Variants in ATP13A4 observed in about 807,000 individuals in gnomAD.
ATP13A4 encodes the protein ATPase 13A4.
A neutral mutation model predicts 142.5 loss-of-function variants in ATP13A4; 114 were observed. The observed-to-expected ratio is 0.80, with a 90% CI of 0.69 to 0.93. ATP13A4 has a LOEUF of 0.93. ATP13A4 is among the 40% of genes least tolerant of loss of function. The pLI, the probability that ATP13A4 is intolerant of heterozygous loss-of-function variation, is 0.00. For synonymous variants in ATP13A4, 488 were observed against 514.8 expected (o/e 0.95, Z 0.70); for missense variants, 1,392 against 1,454.0 (o/e 0.96, Z 0.69).
Position 193,502,484 on chromosome 3 carries a change from TTTA to T in ATP13A4, c.381+6_381+8del. 6.2e-7 allele frequency: 1 copy of T among 1,613,304 alleles called. No homozygotes were observed. The highest frequency in any genetic ancestry group is 8.5e-7 in the Non-Finnish European group (1 of 1,179,348). Reference sequence around the variant, plus strand: ...CTCTGACATCAGCAGTAGCCATAAGTTTACTTACCTTTAGGTCTGGCTTTCTTA... The same window carrying T: ...CTCTGACATCAGCAGTAGCCATAAGTCTTACCTTTAGGTCTGGCTTTCTTA... On this transcript the variant is annotated splice_donor_region_variant and intron_variant, in intron 3 of 29. Coordinates refer to ENST00000342695, the MANE Select transcript of ATP13A4 (RefSeq NM_032279.4).
chr3:193,450,639 C>A (rs1477824189), intron 17 of ATP13A4, among the ~76,000 whole-genome samples: 1 of 152,088 alleles, frequency 6.6e-6, no homozygotes, highest in South Asian at 2.1e-4. Context: ...TGATTGAGGG[C>A]TTATAGGGTA....
chr3:193,432,829 G>A (rs1716054271), intron 25 of ATP13A4, among the ~76,000 whole-genome samples: 1 of 152,088 alleles, frequency 6.6e-6, no homozygotes, highest in Non-Finnish European at 1.5e-5. Context: ...TGGGGAAGAT[G>A]ACTAGGCAGA....
chr3:193,527,602 G>T (rs565528583), intron 1 of ATP13A4, among the ~76,000 whole-genome samples: 1 of 149,310 alleles, frequency 6.7e-6, no homozygotes, highest in Non-Finnish European at 1.5e-5. Flanking sequence ...ACAGAGTGAG[G>T]CTCCATCTAA....
At chr3:193,534,115 C>T (rs1159483179) in intron 1 of ATP13A4, among the ~76,000 whole-genome samples, 1 of 152,120 alleles carries the variant, frequency 6.6e-6, no homozygotes, top group African/African-American at 2.4e-5. Context: ...GAACTCCTAC[C>T]TTTATCCACC....
chr3:193,505,244 C>T (rs1720794111), intron 2 of ATP13A4, among the ~76,000 whole-genome samples: 2 of 152,152 alleles, frequency 1.3e-5, no homozygotes, highest in African/African-American at 4.8e-5. Context: ...GCTCTCCTGA[C>T]AGCATAGAAT....
intron 12 of ATP13A4, among the ~76,000 whole-genome samples, chr3:193,464,560 A>G (rs749235761): frequency 6.6e-6 from 1 of 152,212 alleles, no homozygotes; most frequent in Non-Finnish European, 1.5e-5. Flanking sequence ...ATCGATATTT[A>G]TTGCACACTA....
At chr3:193,430,884 T>A (rs965262247) in intron 25 of ATP13A4, among the ~76,000 whole-genome samples, 1 of 151,980 alleles carries the variant, frequency 6.6e-6, no homozygotes, top group East Asian at 1.9e-4. Context: ...ACTCTTACTA[T>A]TGTGTAAATG....
At chr3:193,504,275 T>G (rs1316434910) in intron 2 of ATP13A4, among the ~76,000 whole-genome samples, 1 of 152,116 alleles carries the variant, frequency 6.6e-6, no homozygotes, top group Non-Finnish European at 1.5e-5. Flanking sequence ...ACCGATCTGA[T>G]GATAGACATG....
rs768492745 is a variant in ATP13A4 at position 193,592,664 on chromosome 3, T to G, written n.91+357A>C. 2.0e-5 allele frequency among the ~76,000 whole-genome samples: 3 copies of G among 152,198 alleles called. No homozygotes were observed. In the South Asian group the frequency reaches 6.2e-4, roughly 31 times the overall value. On this transcript the variant is annotated intron_variant and non_coding_transcript_variant, in intron 1 of 3. Coordinates refer to the ATP13A4 transcript ENST00000489140. ...ACCACACAAGCTTATTCCAAACCCG[T>G]TACTGGCCTAACTGATTTAAGTCCC...
chr3:193,434,805 T>TA (rs200049953), intron 24 of ATP13A4, among the ~76,000 whole-genome samples: 8,003 of 151,866 alleles, frequency 0.053, 397 homozygotes, highest in East Asian at 0.18. Flanking sequence ...TCTTGGTAAA[T>TA]AAAAAAAAGT....
At chr3:193,470,724 C>T (rs545728529) in intron 9 of ATP13A4, 135 bp downstream of exon 9, 78 of 1,265,004 alleles carry the variant, frequency 6.2e-5, no homozygotes, top group Non-Finnish European at 8.0e-5. Context: ...TTTGTGGCAA[C>T]GGGAAGGTCC....
chr3:193,402,473 G>A lies in ATP13A4; in HGVS notation c.*179C>T, dbSNP rs901379661. 5.0e-6 allele frequency: 3 copies of A among 594,964 alleles called. No individual in the cohort carries two copies. Among genetic ancestry groups the A allele is most frequent in the African/African-American group, 3.7e-5 (2 of 53,768 alleles). The allele number at this position is 594,964 out of a possible 1,614,324, so 36.9% of individuals were successfully genotyped here. On this transcript the variant is annotated 3_prime_UTR_variant, in exon 30 of 30. Coordinates refer to ENST00000342695, the MANE Select transcript of ATP13A4 (RefSeq NM_032279.4). Reference sequence around the variant, plus strand: ...AGCCAAGAGGAAAGCACTCTTCTGGGTCAATGTTCTTCTCTGTAGACAGTA... The same window carrying A: ...AGCCAAGAGGAAAGCACTCTTCTGGATCAATGTTCTTCTCTGTAGACAGTA...
chr3:193,515,093 G>A (rs547672072), intron 1 of ATP13A4, among the ~76,000 whole-genome samples: 2 of 152,266 alleles, frequency 1.3e-5, no homozygotes, highest in East Asian at 3.9e-4. Flanking sequence ...TAGGAAATCA[G>A]TTTCTATCAT....
chr3:193,528,450 G>C (rs1490170377), intron 1 of ATP13A4, among the ~76,000 whole-genome samples: 1 of 152,194 alleles, frequency 6.6e-6, no homozygotes, highest in African/African-American at 2.4e-5. Flanking sequence ...GGATATGCTA[G>C]AGAATTTCAA....
At position 193,454,149 on chromosome 3, in the gene ATP13A4, A is replaced by G. The variant is rs751782757; in HGVS notation, c.1979T>C (p.Leu660Pro). ...GTCATTTTCCAGCTTCTTGTAGGCC[A>G]GTGCTATGACTCGGAAGCCCTGTGT... is the stretch of plus-strand genomic sequence containing the variant. Reference protein sequence around the residue: ...YTTQGFRVIALAYKKLENDHH... With the variant: ...YTTQGFRVIAPAYKKLENDHH... Residue 660 changes from leucine to proline, a missense_variant, in exon 17 of 30, where the codon CTG becomes CCG. Physicochemically the swap from Leu to Pro is moderately conservative, Grantham distance 98. Transcript: ENST00000342695. 1 of 1,614,162 alleles carries G rather than the reference A, an allele frequency of 6.2e-7. No individual in the cohort carries two copies. The highest frequency in any genetic ancestry group is 1.3e-5 in the African/African-American group (1 of 75,066).
At chr3:193,462,975 T>G in intron 12 of ATP13A4, 152 bp from the exon 13 acceptor site, 2 of 680,844 alleles carry the variant, frequency 2.9e-6, no homozygotes, top group Non-Finnish European at 2.5e-6. Context: ...TGAAACCACC[T>G]CCCTATTTTA....
chr3:193,459,627 T>G (rs1442580451), intron 13 of ATP13A4, among the ~76,000 whole-genome samples: 1 of 152,076 alleles, frequency 6.6e-6, no homozygotes, highest in Non-Finnish European at 1.5e-5. Context: ...TTAGCAAGGA[T>G]GGGGTTTCAC....
intron 1 of ATP13A4, among the ~76,000 whole-genome samples, chr3:193,588,109 G>A (rs114618199): frequency 0.026 from 3,902 of 152,008 alleles, 53 homozygotes; most frequent in East Asian, 0.031. Flanking sequence ...CTCTAGCCTG[G>A]GAAACAGAGC....
At position 193,448,276 on chromosome 3, in the gene ATP13A4, T is replaced by C. The variant is rs1361146710; in HGVS notation, c.2082A>G (p.Arg694=). 1.2e-6 allele frequency: 2 copies of C among 1,614,058 alleles called. No homozygotes were observed. Among genetic ancestry groups the C allele is most frequent in the East Asian group, 2.2e-5 (1 of 44,894 alleles). Residue 694 remains arginine, a synonymous_variant, in exon 18 of 30, where the codon CGA becomes CGG. Coordinates refer to ENST00000342695, the MANE Select transcript of ATP13A4 (RefSeq NM_032279.4). ...AGACAGGTTTTGTCTCTTCCTTCAA[T>C]CGATTCTCCAAGATCAGCAGCCCCA... ...IFLGLLILEN[R]LKEETKPVLE... is the part of the protein sequence containing the mutation.
Sources: allele counts gnomAD v4.1 joint callset (sites outside exome capture counted in the v4.1 genomes callset), GRCh38; gene constraint gnomAD v4.1.1; transcripts MANE v1.5; gene names NCBI Gene and HGNC (gene_info 2026-07-23, HGNC 2026-07-21).